SMN2: variants seen among roughly 807,000 people sequenced by gnomAD.
SMN2 encodes the protein survival of motor neuron 2, centromeric.
Under a neutral mutation model 2.8 loss-of-function variants are expected in SMN2, and 1 was observed. The observed-to-expected ratio is 0.35, with a 90% confidence interval of 0.13 to 1.68. SMN2 has a LOEUF of 1.68. Ranked by LOEUF, SMN2 falls within the 40% of genes most tolerant of loss-of-function variation. The pLI is 0.35. For missense variants in SMN2, 12 were observed against 16.9 expected (o/e 0.71, Z 0.51); for synonymous variants, 5 against 5.0 (o/e 0.99, Z 0.01).
chr5:70,052,808 G>T (rs1774486700), intron 1 of SMN2, among the ~76,000 whole-genome samples: 1 of 80,030 alleles, frequency 1.2e-5, no homozygotes, highest in Non-Finnish European at 2.8e-5. Context: ...CTTGAACCCG[G>T]GATGTGGAGT....
chr5:70,076,649 G>T, intron 8 of SMN2, 75 bp downstream of exon 8: 2 of 1,415,432 alleles, frequency 1.4e-6, no homozygotes, highest in South Asian at 1.2e-5. Flanking sequence ...AAATGTTTTT[G>T]AACATTTAAA....
downstream of SMN2, among the ~76,000 whole-genome samples, chr5:70,080,229 G>A (rs1774836936): frequency 7.4e-6 from 1 of 134,664 alleles, no homozygotes; most frequent in Admixed American, 7.5e-5. Flanking sequence ...TACTGGAGAG[G>A]CTGAAGCATG....
In SMN2 at chr5:70,076,678, G is replaced by T. The variant is rs912462160; in HGVS notation, c.*3+104G>T. On this transcript the variant is annotated intron_variant, in intron 8 of 8. Coordinates refer to ENST00000380743, the MANE Select transcript of SMN2 (RefSeq NM_017411.4). The stretch of plus-strand genomic sequence containing the variant: ...ATTTAAAAAGTTCAGATGTTAGAAA[G>T]TTGAAAGGTTAATGTAAAACAATCA... The T allele has an allele frequency of 2.2e-6, 3 of 1,391,814 alleles. 1 individual carries two copies. Among genetic ancestry groups the T allele is most frequent in the Non-Finnish European group, 2.9e-6 (3 of 1,033,282 alleles). The allele number at this position is 1,391,814 out of a possible 1,614,324, so 86.2% of individuals were successfully genotyped here.
chr5:70,076,756 C>T lies in SMN2; in HGVS notation c.*3+182C>T, dbSNP rs1309536713. On this transcript the variant is annotated intron_variant, in intron 8 of 8. Coordinates refer to ENST00000380743, the MANE Select transcript of SMN2 (RefSeq NM_017411.4). ...ATTAGATAAAAGGTTAATCTACATC[C>T]CTACTAGAATTCTCATACTTAACTG... 3.6e-5 allele frequency: 45 copies of T among 1,265,206 alleles called. 10 individuals carry two copies. The highest frequency in any genetic ancestry group is 4.6e-5 in the Non-Finnish European group (44 of 958,996). 78.4% of individuals were successfully genotyped at this position (1,265,206 alleles called of 1,614,324 possible).
the SMN2 span, among the ~76,000 whole-genome samples, chr5:70,084,071 T>G: frequency 2.3e-5 from 2 of 88,172 alleles, no homozygotes; most frequent in Non-Finnish European, 4.1e-5. Flanking sequence ...TGAGCTCTTG[T>G]GGATGAGAGT....
downstream of SMN2, among the ~76,000 whole-genome samples, chr5:70,079,426 C>A (rs1417035755): frequency 8.5e-6 from 1 of 117,442 alleles, no homozygotes; most frequent in Non-Finnish European, 1.7e-5. Context: ...AGCGAGACTC[C>A]GTCTCAAAAA....
chr5:70,082,824 T>TC, downstream of SMN2, among the ~76,000 whole-genome samples: 1 of 28,948 alleles, frequency 3.5e-5, no homozygotes, highest in Non-Finnish European at 6.1e-5. Flanking sequence ...GCTCCTGGAT[T>TC]AATTTTTTGA....
At chr5:70,083,548 A>G in the SMN2 span, among the ~76,000 whole-genome samples, 12 of 136,714 alleles carry the variant, frequency 8.8e-5, no homozygotes, top group South Asian at 2.7e-3. Flanking sequence ...ACTTGGAACC[A>G]ACCCAAACGT....
chr5:70,084,335 C>A, the SMN2 span, among the ~76,000 whole-genome samples: 1 of 89,758 alleles, frequency 1.1e-5, no homozygotes, highest in East Asian at 3.0e-4. Context: ...TACAGGCACA[C>A]GCCACCATGC....
chr5:70,084,192 T>TG, the SMN2 span, among the ~76,000 whole-genome samples: 2 of 64,660 alleles, frequency 3.1e-5, 1 homozygote, highest in East Asian at 7.2e-4. Context: ...TAAATTGTTT[T>TG]TTTTTTTTTT....
chr5:70,085,368 A>G, the SMN2 span, among the ~76,000 whole-genome samples: 1 of 134,658 alleles, frequency 7.4e-6, no homozygotes, highest in Non-Finnish European at 1.5e-5. Context: ...CAGTCTTCCC[A>G]GTAGCTGGGA....
downstream of SMN2, among the ~76,000 whole-genome samples, chr5:70,079,458 A>G (rs1463801973): frequency 6.7e-6 from 1 of 148,516 alleles, no homozygotes; most frequent in Non-Finnish European, 1.5e-5. Flanking sequence ...AAAACACGTT[A>G]CTAAGAGCAA....
intron 7 of SMN2, among the ~76,000 whole-genome samples, chr5:70,075,593 C>T (rs1387202584): frequency 8.3e-6 from 1 of 119,928 alleles, no homozygotes; most frequent in Non-Finnish European, 1.8e-5. Context: ...GGTGATCCGC[C>T]CGCCTTGGCC....
chr5:70,079,361 G>T (rs1313996078), downstream of SMN2, among the ~76,000 whole-genome samples: 1 of 145,650 alleles, frequency 6.9e-6, no homozygotes, highest in Non-Finnish European at 1.5e-5. Flanking sequence ...GAACCCGGGA[G>T]GTGGAGGTTG....
intron 7 of SMN2, among the ~76,000 whole-genome samples, chr5:70,074,906 T>C (rs1469692292): frequency 1.1e-4 from 14 of 125,172 alleles, no homozygotes; most frequent in African/African-American, 4.2e-4. Context: ...GCAGGAGAAT[T>C]GCTTGAACCG....
chr5:70,070,361 A>G (rs1382643848), intron 6 of SMN2, among the ~76,000 whole-genome samples: 4 of 30,224 alleles, frequency 1.3e-4, no homozygotes, highest in Non-Finnish European at 2.4e-4. Flanking sequence ...TCCAAATGCT[A>G]GCTATGTTAA....
At chr5:70,079,243 G>A (rs1466070260), downstream of SMN2, among the ~76,000 whole-genome samples, 2 of 139,442 alleles carry the variant, frequency 1.4e-5, no homozygotes, top group African/African-American at 6.0e-5. Flanking sequence ...GACCAGCCTG[G>A]CCAACATAGT....
chr5:70,068,404 C>T (rs1275023133), intron 5 of SMN2, among the ~76,000 whole-genome samples: 1 of 28,422 alleles, frequency 3.5e-5, no homozygotes, highest in Admixed American at 4.1e-4. Context: ...CTTGCTCTGT[C>T]GCTCAGGCTG....
rs1162941813 is a variant in SMN2 at position 70,075,922 on chromosome 5, C to A, written c.835-599C>A. ...GGCTGGAGTGCAGTGGTGTAAATCTCAGCTCACTGCAGCCTCCGCCTCCTG... is the reference window on the plus strand; with the variant it reads ...GGCTGGAGTGCAGTGGTGTAAATCTAAGCTCACTGCAGCCTCCGCCTCCTG... On this transcript the variant is annotated intron_variant, in intron 7 of 8. Coordinates refer to ENST00000380743, the MANE Select transcript of SMN2 (RefSeq NM_017411.4). Among the ~76,000 whole-genome samples, 5 of 122,792 alleles carry A rather than the reference C, an allele frequency of 4.1e-5. 1 individual carries two copies. The Admixed American group carries it at 4.1e-4, about 10-fold the overall frequency. The allele number at this position is 122,792 out of a possible 152,430, so 80.6% of individuals were successfully genotyped here.
Sources: allele counts gnomAD v4.1 joint callset (sites outside exome capture counted in the v4.1 genomes callset), GRCh38; gene constraint gnomAD v4.1.1; transcripts MANE v1.5; gene names NCBI Gene and HGNC (gene_info 2026-07-23, HGNC 2026-07-21).